CTIF: variants seen among roughly 807,000 people sequenced by gnomAD.
CTIF encodes CBP80/20-dependent translation initiation factor.
A neutral mutation model predicts 66.0 loss-of-function variants in CTIF; 21 were observed. That is an observed-to-expected ratio of 0.32 (90% CI 0.23 to 0.46). The LOEUF is 0.46. Ranked by LOEUF, CTIF falls within the 20% of genes least tolerant of loss-of-function variation. The pLI, the probability that CTIF is intolerant of heterozygous loss-of-function variation, is 1.00. For synonymous variants in CTIF, 345 were observed against 326.4 expected (o/e 1.06, Z -0.62); for missense variants, 739 against 812.7 (o/e 0.91, Z 1.10).
At chr18:48,818,827 G>C (rs1166759796) in intron 10 of CTIF, among the ~76,000 whole-genome samples, 1 of 152,088 alleles carries the variant, frequency 6.6e-6, no homozygotes, top group Non-Finnish European at 1.5e-5. Flanking sequence ...AGTGTCCTGG[G>C]TTTGGCAACA....
chr18:48,571,674 T>C (rs2089418668), intron 1 of CTIF, among the ~76,000 whole-genome samples: 1 of 152,188 alleles, frequency 6.6e-6, no homozygotes, highest in African/African-American at 2.4e-5. Flanking sequence ...TTCTATAGTA[T>C]GGCTATACCA....
At chr18:48,638,730 G>C (rs1598783434) in intron 3 of CTIF, among the ~76,000 whole-genome samples, 2 of 152,266 alleles carry the variant, frequency 1.3e-5, no homozygotes, top group African/African-American at 4.8e-5. Flanking sequence ...GGGGTACGCA[G>C]TGTTTGACAA....
chr18:48,688,938 C>T (rs577853965), intron 6 of CTIF, among the ~76,000 whole-genome samples: 2 of 152,364 alleles, frequency 1.3e-5, no homozygotes, highest in South Asian at 4.1e-4. Flanking sequence ...ACACTCCCCT[C>T]TCTCATCCAA....
chr18:48,859,509 C>T lies in CTIF; in HGVS notation c.1747C>T (p.Pro583Ser). 1 of 1,614,180 alleles carries T rather than the reference C, an allele frequency of 6.2e-7. No individual in the cohort carries two copies. Among genetic ancestry groups the T allele is most frequent in the Non-Finnish European group, 8.5e-7 (1 of 1,180,038 alleles). The change falls in exon 12 of 12, where the codon CCC (proline) becomes TCC (serine). Residue 583 changes from proline (P) to serine (S), a missense_variant. Physicochemically the swap from Pro to Ser is moderately conservative, Grantham distance 74 (BLOSUM62 -1). Transcript: ENST00000256413. The part of the protein sequence containing the change: ...LHANSWNPLT[P>S]PITQYYNRTI... ...CGCTAACAGCTGGAACCCTCTGACG[C>T]CCCCCATCACGCAGTACTACAACAG... is the stretch of plus-strand genomic sequence containing the variant.
intron 10 of CTIF, chr18:48,826,070 G>T (rs761383179): frequency 6.6e-6 from 1 of 152,184 alleles, no homozygotes; most frequent in Non-Finnish European, 1.5e-5. Flanking sequence ...CTAGCCGTGG[G>T]ACTTTAACCT....
intron 10 of CTIF, among the ~76,000 whole-genome samples, chr18:48,855,686 T>C (rs1280969725): frequency 6.6e-6 from 1 of 152,184 alleles, no homozygotes; most frequent in African/African-American, 2.4e-5. Flanking sequence ...GGATGACGCA[T>C]CAGGACGCGG....
intron 3 of CTIF, among the ~76,000 whole-genome samples, chr18:48,647,290 G>GAGGGA (rs768237148): frequency 6.6e-6 from 1 of 152,240 alleles, no homozygotes; most frequent in Non-Finnish European, 1.5e-5. Flanking sequence ...TTGCCAGGAT[G>GAGGGA]AGGGAAGGGG....
chr18:48,808,933 G>T (rs561942361), intron 9 of CTIF, among the ~76,000 whole-genome samples: 1 of 152,102 alleles, frequency 6.6e-6, no homozygotes, highest in African/African-American at 2.4e-5. Flanking sequence ...TTCACATTGG[G>T]ATATGGAGTA....
intron 7 of CTIF, among the ~76,000 whole-genome samples, chr18:48,743,277 A>G (rs1598963714): frequency 6.6e-6 from 1 of 152,342 alleles, no homozygotes; most frequent in South Asian, 2.1e-4. Flanking sequence ...ACACGGAGCC[A>G]AGGCCCTCCT....
At chr18:48,583,344 T>C (rs2089700592) in intron 1 of CTIF, among the ~76,000 whole-genome samples, 1 of 152,222 alleles carries the variant, frequency 6.6e-6, no homozygotes, top group Non-Finnish European at 1.5e-5. Flanking sequence ...TGTTAATGAA[T>C]GCCCTGTTAT....
chr18:48,758,268 C>A lies in CTIF; in HGVS notation c.934C>A (p.Pro312Thr), dbSNP rs751414020. Residue 312 changes from proline (P) to threonine (T), a missense_variant, in exon 8 of 12, where the codon CCC becomes ACC. Physicochemically the swap from Pro to Thr is conservative, Grantham distance 38. This residue lies in a region of CTIF where 529 missense variants were observed against 520.3 expected (regional missense o/e 1.02). Transcript: ENST00000256413. ...TLAPVASERL[P>T]PQQSGGPEVE... ...GGCCCCGGTGGCTTCTGAGCGGCTGCCCCCACAGCAGTCAGGGGGGCCAGA... is the reference window on the plus strand; with the variant it reads ...GGCCCCGGTGGCTTCTGAGCGGCTGACCCCACAGCAGTCAGGGGGGCCAGA... The A allele has an allele frequency of 6.2e-7, 1 of 1,613,002 alleles. No homozygotes were observed. Among genetic ancestry groups the A allele is most frequent in the Admixed American group, 1.7e-5 (1 of 60,006 alleles).
chr18:48,657,083 T>A (rs2091257698), intron 3 of CTIF, among the ~76,000 whole-genome samples: 2 of 151,832 alleles, frequency 1.3e-5, no homozygotes, highest in Admixed American at 1.3e-4. Context: ...GGGGAGAGAG[T>A]TAACAGAAAG....
intron 1 of CTIF, among the ~76,000 whole-genome samples, chr18:48,562,235 A>G (rs1206703193): frequency 2.0e-5 from 3 of 152,256 alleles, no homozygotes; most frequent in Non-Finnish European, 4.4e-5. Context: ...ATCCTTATGA[A>G]AACATTATGA....
At chr18:48,808,981 A>G (rs1266321098) in intron 9 of CTIF, among the ~76,000 whole-genome samples, 6 of 152,224 alleles carry the variant, frequency 3.9e-5, no homozygotes, top group Admixed American at 2.0e-4. Flanking sequence ...TTCAAAGAGA[A>G]TTACCATCTT....
At chr18:48,585,343 G>A (rs1223222274) in intron 1 of CTIF, among the ~76,000 whole-genome samples, 2 of 152,236 alleles carry the variant, frequency 1.3e-5, no homozygotes, top group Admixed American at 6.5e-5. Flanking sequence ...AGAAAGTGGG[G>A]AAAGTGGGCT....
At chr18:48,773,527 C>T (rs1279609011) in intron 9 of CTIF, among the ~76,000 whole-genome samples, 1 of 152,246 alleles carries the variant, frequency 6.6e-6, no homozygotes, top group Non-Finnish European at 1.5e-5. Flanking sequence ...GAACTGTGCT[C>T]CCCTAGCGCT....
At chr18:48,817,477 A>T in intron 10 of CTIF, 101 bp downstream of exon 10, 1 of 1,423,700 alleles carries the variant, frequency 7.0e-7, no homozygotes, top group Non-Finnish European at 9.5e-7. Context: ...AGGCTCACTT[A>T]GAAAGGGACC....
intron 1 of CTIF, among the ~76,000 whole-genome samples, chr18:48,616,833 AG>A (rs1266572225): frequency 3.9e-5 from 6 of 152,310 alleles, no homozygotes; most frequent in African/African-American, 1.4e-4. Context: ...AAGGACCTCT[AG>A]ATTTGGCAGG....
intron 7 of CTIF, among the ~76,000 whole-genome samples, chr18:48,730,702 GAGGGGC>G (rs2092447166): frequency 5.8e-5 from 2 of 34,468 alleles, no homozygotes; most frequent in African/African-American, 4.2e-4. Flanking sequence ...CCTGAGGTGT[GAGGGGC>G]TTCCGCGGTG....
Sources: allele counts gnomAD v4.1 joint callset (sites outside exome capture counted in the v4.1 genomes callset), GRCh38; gene constraint gnomAD v4.1.1; regional missense constraint gnomAD v4.1.1; transcripts MANE v1.5; gene names NCBI Gene and HGNC (gene_info 2026-07-23, HGNC 2026-07-21).